Variants in INPP4B observed in about 807,000 individuals in gnomAD.
INPP4B encodes inositol polyphosphate 4-phosphatase type II.
Under a neutral mutation model 122.5 loss-of-function variants are expected in INPP4B, and 55 were observed. The observed-to-expected ratio is 0.45, with a 90% CI of 0.36 to 0.56. The LOEUF is 0.56. Ranked by LOEUF, INPP4B falls within the 20% of genes least tolerant of loss-of-function variation. The probability of loss-of-function intolerance (pLI) is 0.00; values close to 1 mark genes in which losing one functional copy is unlikely to be tolerated. For synonymous variants in INPP4B, 403 were observed against 388.7 expected, an observed-to-expected ratio of 1.04 and a Z score of -0.43; for missense variants, 1,000 against 1,097.7, an observed-to-expected ratio of 0.91 and a Z score of 1.26.
At chr4:142,435,481 A>T (rs1019344386) in intron 3 of INPP4B, among the ~76,000 whole-genome samples, 5 of 5,834 alleles carry the variant, frequency 8.6e-4, no homozygotes, top group Non-Finnish European at 1.4e-3. Flanking sequence ...TATTTGGGGG[A>T]GGGGGGGTGG....
chr4:142,544,130 G>GTGTGTGTGTGT (rs55638202), intron 2 of INPP4B, among the ~76,000 whole-genome samples: 32,418 of 132,824 alleles, frequency 0.24, 5,324 homozygotes, highest in Non-Finnish European at 0.3. Context: ...GTGTGTGTGT[G>GTGTGTGTGTGT]GTGTGTGTGT....
intron 12 of INPP4B, among the ~76,000 whole-genome samples, chr4:142,213,197 T>C (rs1045966690): frequency 1.3e-5 from 2 of 152,140 alleles, no homozygotes; most frequent in Non-Finnish European, 2.9e-5. Flanking sequence ...ATCTAGACCA[T>C]AATTCACCCA....
rs547077458 is a variant in INPP4B at position 142,620,020 on chromosome 4, A to T, written c.-191+105819T>A. Among the ~76,000 whole-genome samples, 12 of 152,130 alleles carry T rather than the reference A, an allele frequency of 7.9e-5. No homozygotes were observed. In the East Asian group the frequency reaches 2.3e-3, roughly 29 times the overall value. On this transcript the variant is annotated intron_variant, in intron 2 of 25. Transcript: ENST00000262992. ...TGAAGAAACTGGGTTTTACGAGTCA[A>T]AAAATAACAGATGCTAGCTGCAGAG...
chr4:142,316,275 G>A (rs2151341119), intron 7 of INPP4B, among the ~76,000 whole-genome samples: 2 of 152,290 alleles, frequency 1.3e-5, no homozygotes, highest in South Asian at 4.1e-4. Context: ...AGCACTTGCT[G>A]GCTAAGAGCA....
chr4:142,393,201 C>T (rs1033314753), intron 7 of INPP4B, among the ~76,000 whole-genome samples: 1 of 151,892 alleles, frequency 6.6e-6, no homozygotes, highest in African/African-American at 2.4e-5. Flanking sequence ...GAGTTTTGCA[C>T]ACTCTCACCT....
At chr4:142,371,756 G>T (rs559284391) in intron 7 of INPP4B, among the ~76,000 whole-genome samples, 23 of 151,856 alleles carry the variant, frequency 1.5e-4, no homozygotes, top group Non-Finnish European at 2.5e-4. Flanking sequence ...AGTGAGAATG[G>T]ATATGATCAA....
intron 2 of INPP4B, among the ~76,000 whole-genome samples, chr4:142,593,625 A>T (rs1456360921): frequency 1.3e-5 from 2 of 152,150 alleles, no homozygotes; most frequent in Non-Finnish European, 2.9e-5. Flanking sequence ...GGTGCCAGTA[A>T]AACTCCATGG....
intron 12 of INPP4B, among the ~76,000 whole-genome samples, chr4:142,211,947 T>C (rs1023537612): frequency 5.9e-5 from 9 of 152,104 alleles, no homozygotes; most frequent in African/African-American, 2.2e-4. Context: ...CTGATATAGT[T>C]AATGGTGTTA....
At chr4:142,122,296 T>C (rs754931818) in intron 20 of INPP4B, 51 bp from the exon 21 acceptor site, 15 of 1,313,628 alleles carry the variant, frequency 1.1e-5, no homozygotes, top group Non-Finnish European at 1.4e-5. Flanking sequence ...GAGGAAAATG[T>C]CACTAGCTAC....
intron 2 of INPP4B, among the ~76,000 whole-genome samples, chr4:142,527,767 T>C (rs985020779): frequency 6.6e-6 from 1 of 152,060 alleles, no homozygotes; most frequent in Non-Finnish European, 1.5e-5. Flanking sequence ...TCCTAGAATT[T>C]TTTTCAGGAG....
intron 18 of INPP4B, among the ~76,000 whole-genome samples, chr4:142,128,474 A>T (rs774464689): frequency 2.0e-5 from 3 of 152,060 alleles, no homozygotes; most frequent in Non-Finnish European, 4.4e-5. Context: ...GCCCTGAGCC[A>T]ACTAGCCTCG....
At chr4:142,214,610 T>G (rs971941999) in intron 12 of INPP4B, among the ~76,000 whole-genome samples, 1 of 152,190 alleles carries the variant, frequency 6.6e-6, no homozygotes, top group Non-Finnish European at 1.5e-5. Context: ...TGAAATACGG[T>G]GGTGTGATCT....
intron 25 of INPP4B, among the ~76,000 whole-genome samples, chr4:142,070,428 A>T (rs749344221): frequency 2.6e-5 from 4 of 152,190 alleles, no homozygotes; most frequent in Non-Finnish European, 5.9e-5. Flanking sequence ...AACTGGCACA[A>T]GACAGGGATG....
At chr4:142,417,074 G>A (rs1297530955) in intron 5 of INPP4B, among the ~76,000 whole-genome samples, 2 of 152,014 alleles carry the variant, frequency 1.3e-5, no homozygotes, top group Non-Finnish European at 2.9e-5. Context: ...GTGTTTGAAG[G>A]AAAAAAGAGC....
At chr4:142,808,495 T>C (rs1352214423) in intron 1 of INPP4B, among the ~76,000 whole-genome samples, 2 of 152,140 alleles carry the variant, frequency 1.3e-5, no homozygotes, top group African/African-American at 2.4e-5. Flanking sequence ...CAGCTGTACT[T>C]CCCACTGTAC....
At position 142,245,855 on chromosome 4, in the gene INPP4B, CAT is replaced by C. The variant is rs112578067; in HGVS notation, c.689-7846_689-7845del. Among the ~76,000 whole-genome samples, 21 of 24,084 alleles carry C rather than the reference CAT, an allele frequency of 8.7e-4. 6 individuals are homozygous for C. The highest frequency in any genetic ancestry group is 3.9e-4 in the African/African-American group (4 of 10,258). The allele number at this position is 24,084 out of a possible 152,430, so 15.8% of individuals were successfully genotyped here. A position where few individuals can be genotyped will look rare whatever the true frequency, so the allele number is the denominator to read the frequency against. On this transcript the variant is annotated intron_variant, in intron 11 of 25. Coordinates refer to ENST00000262992, the MANE Select transcript of INPP4B (RefSeq NM_001101669.3). ...GTATACATATATATGTGTATGTATACATATATGTGTATGTATACATATATATG... is the reference window on the plus strand; with the variant it reads ...GTATACATATATATGTGTATGTATACATATGTGTATGTATACATATATATG...
At chr4:142,029,013 T>A in intron 25 of INPP4B, 99 bp from the exon 26 acceptor site, 1 of 1,465,630 alleles carries the variant, frequency 6.8e-7, no homozygotes, top group Non-Finnish European at 9.0e-7. Flanking sequence ...CAAGTAAAAA[T>A]AACAAAGATT....
chr4:142,253,840 G>T (rs574102207), intron 11 of INPP4B, among the ~76,000 whole-genome samples: 1 of 152,192 alleles, frequency 6.6e-6, no homozygotes, highest in Non-Finnish European at 1.5e-5. Flanking sequence ...GCTCGAACTC[G>T]GTGGAGCCCA....
chr4:142,601,467 A>G (rs1244070433), intron 2 of INPP4B, among the ~76,000 whole-genome samples: 2 of 152,046 alleles, frequency 1.3e-5, no homozygotes, highest in Non-Finnish European at 2.9e-5. Flanking sequence ...GGGGCAATAA[A>G]GAAATTAAGA....
Sources: gnomAD v4.1 joint callset for allele counts (sites outside exome capture counted in the v4.1 genomes callset) on GRCh38, gnomAD v4.1.1 for gene constraint, MANE v1.5 for transcripts, NCBI Gene and HGNC (gene_info 2026-07-23, HGNC 2026-07-21) for gene names.